Variants in CDH19 observed in about 807,000 individuals in gnomAD.
CDH19 encodes the protein cadherin 19.
In CDH19, 67 loss-of-function variants were observed where a neutral mutation model predicts 64.2. The observed-to-expected ratio is 1.04, with a 90% CI of 0.86 to 1.28. CDH19 has a LOEUF of 1.28. CDH19 is among the 50% of genes most tolerant of loss of function. The probability of loss-of-function intolerance (pLI) is 0.00; values close to 1 mark genes in which losing one functional copy is unlikely to be tolerated. For synonymous variants in CDH19, 346 were observed against 319.3 expected, an observed-to-expected ratio of 1.08 and a Z score of -0.89; for missense variants, 1,030 against 929.0, an observed-to-expected ratio of 1.11 and a Z score of -1.41.
At chr18:66,587,135 C>T (rs1988601354) in intron 1 of CDH19, among the ~76,000 whole-genome samples, 1 of 152,068 alleles carries the variant, frequency 6.6e-6, no homozygotes, top group Non-Finnish European at 1.5e-5. Context: ...CTGACTAATC[C>T]TGCTCTTCAG....
At chr18:66,527,978 TATA>T (rs1309007636) in intron 9 of CDH19, among the ~76,000 whole-genome samples, 1 of 151,576 alleles carries the variant, frequency 6.6e-6, no homozygotes, top group African/African-American at 2.4e-5. Flanking sequence ...GAAATATAAT[TATA>T]ATAAATATAA....
In CDH19 at chr18:66,542,002, A is replaced by T. The variant is rs1386980678; in HGVS notation, c.1214+1969T>A. Reference sequence around the variant, plus strand: ...TACCTATGCATCACAAGCATCATGAATTATAATTTACTCACTTGTACTCCT... The same window carrying T: ...TACCTATGCATCACAAGCATCATGATTTATAATTTACTCACTTGTACTCCT... On this transcript the variant is annotated intron_variant, in intron 7 of 11. Coordinates refer to ENST00000262150, the MANE Select transcript of CDH19 (RefSeq NM_021153.4). Among the ~76,000 whole-genome samples, 6 of 152,146 alleles carry T rather than the reference A, an allele frequency of 3.9e-5. No individual in the cohort carries two copies. In the East Asian group the frequency reaches 7.7e-4, roughly 19 times the overall value.
At chr18:66,514,175 T>C (rs966890310) in intron 9 of CDH19, among the ~76,000 whole-genome samples, 1 of 151,440 alleles carries the variant, frequency 6.6e-6, no homozygotes, top group Non-Finnish European at 1.5e-5. Flanking sequence ...GAATGTAAGC[T>C]GATGTCATAG....
At chr18:66,560,829 T>C (rs561881602) in intron 3 of CDH19, among the ~76,000 whole-genome samples, 50 of 152,192 alleles carry the variant, frequency 3.3e-4, no homozygotes, top group Middle Eastern at 3.4e-3. Flanking sequence ...TTGATGAACA[T>C]TTTATTATGA....
intron 3 of CDH19, among the ~76,000 whole-genome samples, chr18:66,566,061 T>C (rs1987898458): frequency 6.6e-6 from 1 of 151,954 alleles, no homozygotes; most frequent in Admixed American, 6.6e-5. Flanking sequence ...ACTGATACCA[T>C]GATACCAATA....
chr18:66,508,398 T>TG (rs1985305286), intron 11 of CDH19, among the ~76,000 whole-genome samples: 1 of 139,124 alleles, frequency 7.2e-6, no homozygotes, highest in Non-Finnish European at 1.6e-5. Flanking sequence ...TTTACTGCGC[T>TG]GTTTTTTTTT....
chr18:66,546,098 G>A (rs1987106389), intron 5 of CDH19, among the ~76,000 whole-genome samples: 2 of 152,020 alleles, frequency 1.3e-5, no homozygotes, highest in South Asian at 4.1e-4. Flanking sequence ...ATATTTTAAA[G>A]AATGGAACTC....
chr18:66,533,213 TACACACACACACAC>T, intron 8 of CDH19, among the ~76,000 whole-genome samples: 1 of 149,056 alleles, frequency 6.7e-6, no homozygotes, highest in African/African-American at 2.5e-5. Context: ...TAGGATTTAT[TACACACACACACAC>T]ACACACACAC....
intron 9 of CDH19, among the ~76,000 whole-genome samples, chr18:66,521,431 T>A (rs913708499): frequency 6.6e-6 from 1 of 152,186 alleles, no homozygotes; most frequent in African/African-American, 2.4e-5. Context: ...CCAGCAAATA[T>A]TCTTGCATAT....
chr18:66,602,605 A>G (rs956952853), intron 1 of CDH19, among the ~76,000 whole-genome samples: 3 of 151,888 alleles, frequency 2.0e-5, no homozygotes, highest in Non-Finnish European at 4.4e-5. Context: ...ATTTCACTGG[A>G]GCCTAAGTAA....
At chr18:66,524,462 C>CA in intron 9 of CDH19, among the ~76,000 whole-genome samples, 1 of 149,500 alleles carries the variant, frequency 6.7e-6, no homozygotes, top group Non-Finnish European at 1.5e-5. Context: ...GTTCTCTCCA[C>CA]AAAAAACAAG....
chr18:66,511,632 A>C lies in CDH19; in HGVS notation c.1512T>G (p.His504Gln), dbSNP rs143208279. ...CTTCTACAGATAGATTAAAGTAAAA[A>C]TGGTGCTCTTCTATGGATTCATCTC... ...VDRDESIEEH[H>Q]FYFNLSVEDT... is the part of the protein sequence containing the mutation. The change falls in exon 10 of 12, where the codon CAT becomes CAG. Residue 504 changes from histidine (H) to glutamine (Q), a missense_variant. His to Gln is a conservative substitution (Grantham distance 24). Coordinates refer to ENST00000262150, the MANE Select transcript of CDH19 (RefSeq NM_021153.4). 6.3e-7 allele frequency: 1 copy of C among 1,579,418 alleles called. No homozygotes were observed. The highest frequency in any genetic ancestry group is 1.3e-5 in the African/African-American group (1 of 74,082).
chr18:66,524,078 A>G (rs1986111984), intron 9 of CDH19, among the ~76,000 whole-genome samples: 1 of 152,212 alleles, frequency 6.6e-6, no homozygotes, highest in African/African-American at 2.4e-5. Context: ...CATGTTGTCT[A>G]AAGTACACAG....
chr18:66,538,164 T>C (rs1986747575), intron 7 of CDH19, among the ~76,000 whole-genome samples: 1 of 152,112 alleles, frequency 6.6e-6, no homozygotes, highest in African/African-American at 2.4e-5. Context: ...GAACAGCTAT[T>C]TTTTTCTCTA....
rs74173409 is a variant in CDH19 at position 66,595,026 on chromosome 18, TA to T, written c.-113+8927del. On this transcript the variant is annotated intron_variant, in intron 1 of 11. Transcript: ENST00000262150. The stretch of plus-strand genomic sequence containing the variant: ...ATAATAATAATAAATAAAATTAAAT[TA>T]AAAAAAAAAGAAAATCACTCAAACC... 9.7e-4 allele frequency among the ~76,000 whole-genome samples: 142 copies of T among 146,526 alleles called. 2 individuals carry two copies. Among genetic ancestry groups the T allele is most frequent in the Admixed American group, 4.9e-3 (72 of 14,728 alleles).
chr18:66,584,905 A>G (rs1988531565), intron 1 of CDH19, among the ~76,000 whole-genome samples: 4 of 152,128 alleles, frequency 2.6e-5, no homozygotes, highest in African/African-American at 4.8e-5. Context: ...CAGGTATTCT[A>G]CTATTCCTTT....
In CDH19 at chr18:66,522,016, G is replaced by C. The variant is rs1451929541; in HGVS notation, c.1458+7829C>G. On this transcript the variant is annotated intron_variant, in intron 9 of 11. Transcript: ENST00000262150. ...GGCTGGAGTGCAGTGGCGCGATCTC[G>C]GCTCACTGCAAGCTCCGCCTCCCGG... is the stretch of plus-strand genomic sequence containing the variant. Among the ~76,000 whole-genome samples, 3 of 151,328 alleles carry C rather than the reference G, an allele frequency of 2.0e-5. No individual in the cohort carries two copies. The East Asian group carries it at 5.8e-4, about 29-fold the overall frequency.
chr18:66,520,419 T>A (rs918203760), intron 9 of CDH19, among the ~76,000 whole-genome samples: 8 of 149,022 alleles, frequency 5.4e-5, no homozygotes, highest in Non-Finnish European at 1.0e-4. Context: ...AAATCCATCA[T>A]GAAAAAGTTA....
intron 2 of CDH19, among the ~76,000 whole-genome samples, chr18:66,571,390 T>G (rs887974529): frequency 6.6e-6 from 1 of 151,650 alleles, no homozygotes; most frequent in Admixed American, 6.6e-5. Flanking sequence ...AAAAGCCTTA[T>G]GGAAAAGGAC....
Sources: allele counts gnomAD v4.1 joint callset (sites outside exome capture counted in the v4.1 genomes callset), GRCh38; gene constraint gnomAD v4.1.1; transcripts MANE v1.5; gene names NCBI Gene and HGNC (gene_info 2026-07-23, HGNC 2026-07-21).